The following CMYA5 variants were observed in gnomAD, a reference collection of about 807,000 sequenced individuals.
CMYA5 encodes cardiomyopathy-associated protein 5.
Under a neutral mutation model 318.9 loss-of-function variants are expected in CMYA5, and 246 were observed. The observed-to-expected ratio is 0.77, with a 90% CI of 0.70 to 0.86. The LOEUF (loss-of-function observed/expected upper bound fraction) is 0.86, where lower values mean the gene tolerates loss of function less well. Ranked by LOEUF, CMYA5 falls within the 40% of genes least tolerant of loss-of-function variation. The pLI, the probability that CMYA5 is intolerant of heterozygous loss-of-function variation, is 0.00. For missense variants in CMYA5, 4,589 were observed against 4,678.2 expected (o/e 0.98, Z 0.56); for synonymous variants, 1,641 against 1,729.5 (o/e 0.95, Z 1.27).
Position 79,738,815 on chromosome 5 carries a change from G to A in CMYA5, c.10050G>A (p.Glu3350=), listed in dbSNP as rs776680884. Reference sequence around the variant, plus strand: ...TTGAAGACACCCATCATGTTCTGGAGCGTGCAGATGAAGCAGGCAGTCACG... The same window carrying A: ...TTGAAGACACCCATCATGTTCTGGAACGTGCAGATGAAGCAGGCAGTCACG... ...VPFEDTHHVL[E]RADEAGSHGN... Residue 3350 remains glutamate (E), a synonymous_variant, in exon 2 of 13, where the codon GAG becomes GAA. Transcript: ENST00000446378. 1.2e-6 allele frequency: 2 copies of A among 1,613,756 alleles called. No individual in the cohort carries two copies. Among genetic ancestry groups the A allele is most frequent in the African/African-American group, 1.3e-5 (1 of 74,934 alleles).
chr5:79,769,604 T>C (rs868400421), intron 9 of CMYA5, among the ~76,000 whole-genome samples: 2 of 152,174 alleles, frequency 1.3e-5, no homozygotes, highest in Non-Finnish European at 2.9e-5. Context: ...CTCCAGACCC[T>C]GTTTGCCTGG....
chr5:79,766,745 A>AG (rs1828761566), intron 9 of CMYA5, among the ~76,000 whole-genome samples: 1 of 152,188 alleles, frequency 6.6e-6, no homozygotes, highest in Non-Finnish European at 1.5e-5. Context: ...ATGTTCATCA[A>AG]GGATATTGGC....
chr5:79,717,244 A>T (rs1827536729), intron 1 of CMYA5, among the ~76,000 whole-genome samples: 1 of 152,214 alleles, frequency 6.6e-6, no homozygotes, highest in African/African-American at 2.4e-5. Context: ...ATGAGTACAA[A>T]AGTAAAAGAG....
chr5:79,790,554 C>CCACCT lies in CMYA5; in HGVS notation c.11690-411_11690-407dup, dbSNP rs1259628538. ...AAAGTGCTGGGATTACAGGCGTGAG[C>CCACCT]CACCTCACCCGGCCTGTATCCCCCA... On this transcript the variant is annotated intron_variant, in intron 10 of 12. Coordinates refer to ENST00000446378, the MANE Select transcript of CMYA5 (RefSeq NM_153610.5). 1.1e-4 allele frequency among the ~76,000 whole-genome samples: 16 copies of CCACCT among 152,312 alleles called. No individual in the cohort carries two copies. In the East Asian group the frequency reaches 3.1e-3, roughly 29 times the overall value.
At chr5:79,746,094 A>C (rs116519190) in intron 4 of CMYA5, among the ~76,000 whole-genome samples, 2,214 of 152,284 alleles carry the variant, frequency 0.015, 60 homozygotes, top group African/African-American at 0.051. Flanking sequence ...ATTCCCTAGA[A>C]TATTCAGTGA....
At position 79,734,403 on chromosome 5, in the gene CMYA5, A is replaced by G; in HGVS notation, c.5638A>G (p.Thr1880Ala). Residue 1880 changes from threonine (T) to alanine (A), a missense_variant, in exon 2 of 13, where the codon ACA (threonine) becomes GCA (alanine). By Grantham distance (58) the Thr-to-Ala change is moderately conservative (BLOSUM62 0). Coordinates refer to ENST00000446378, the MANE Select transcript of CMYA5 (RefSeq NM_153610.5). ...MTTKPADVKE[T>A]KMEEFFISPK... ...AACCAAGCCTGCGGATGTCAAAGAA[A>G]CAAAAATGGAAGAATTCTTTATTTC... The G allele has an allele frequency of 1.2e-6, 2 of 1,613,818 alleles. No homozygotes were observed. The highest frequency in any genetic ancestry group is 2.2e-5 in the South Asian group (2 of 91,048).
chr5:79,730,386 T>C lies in CMYA5; in HGVS notation c.1621T>C (p.Leu541=), dbSNP rs759861212. 2.1e-5 allele frequency: 34 copies of C among 1,613,798 alleles called. No individual in the cohort carries two copies. The highest frequency in any genetic ancestry group is 1.3e-4 in the East Asian group (6 of 44,886). The change falls in exon 2 of 13, where the codon TTG becomes CTG. Residue 541 remains leucine (L), a synonymous_variant. Coordinates refer to ENST00000446378, the MANE Select transcript of CMYA5 (RefSeq NM_153610.5). ...AGAACTTGATTACCCAGAAAGCCCA[T>C]TGGTTTCCGAGAAGCCCTTCCCACC... ...IVELDYPESP[L]VSEKPFPPHM... is the part of the protein sequence containing the mutation.
At chr5:79,777,825 T>C (rs1828968512) in intron 9 of CMYA5, among the ~76,000 whole-genome samples, 1 of 151,342 alleles carries the variant, frequency 6.6e-6, no homozygotes, top group Admixed American at 6.6e-5. Flanking sequence ...TTTATTGTTT[T>C]AAGAATATAA....
At chr5:79,706,880 C>G (rs1827284780) in intron 1 of CMYA5, among the ~76,000 whole-genome samples, 1 of 152,176 alleles carries the variant, frequency 6.6e-6, no homozygotes, top group Admixed American at 6.5e-5. Context: ...CTACACTGAA[C>G]ATGAGTTGTT....
intron 2 of CMYA5, among the ~76,000 whole-genome samples, chr5:79,743,134 G>A (rs1310957191): frequency 2.0e-5 from 3 of 152,218 alleles, no homozygotes; most frequent in Non-Finnish European, 4.4e-5. Flanking sequence ...ATCAGTCTGT[G>A]GTAGTGAATC....
At chr5:79,694,711 G>A (rs1288303883) in intron 1 of CMYA5, among the ~76,000 whole-genome samples, 1 of 152,160 alleles carries the variant, frequency 6.6e-6, no homozygotes, top group Admixed American at 6.5e-5. Flanking sequence ...ATTTGTAAAT[G>A]GTTTTCATTA....
At chr5:79,716,193 T>A (rs1473237151) in intron 1 of CMYA5, among the ~76,000 whole-genome samples, 1 of 152,244 alleles carries the variant, frequency 6.6e-6, no homozygotes, top group Non-Finnish European at 1.5e-5. Context: ...AGAATTACTC[T>A]CTTTTCTTTG....
At chr5:79,785,115 A>G (rs960722006) in intron 9 of CMYA5, among the ~76,000 whole-genome samples, 1 of 151,832 alleles carries the variant, frequency 6.6e-6, no homozygotes, top group African/African-American at 2.4e-5. Flanking sequence ...TATACACTCA[A>G]GAGACTATAT....
At position 79,731,922 on chromosome 5, in the gene CMYA5, C is replaced by A; in HGVS notation, c.3157C>A (p.Pro1053Thr). ...EEDIGSTAAT[P>T]VSEQFSSSQK... ...AGACATTGGATCCACAGCTGCTACA[C>A]CTGTATCTGAGCAGTTCAGTTCATC... is the stretch of plus-strand genomic sequence containing the variant. The change falls in exon 2 of 13, where the codon CCT (proline) becomes ACT (threonine). Residue 1053 changes from proline to threonine, a missense_variant. By Grantham distance (38) the Pro-to-Thr change is conservative (BLOSUM62 -1). This residue lies in a region of CMYA5 where 2,132 missense variants were observed against 2,131.3 expected (regional missense o/e 1.00). Coordinates refer to ENST00000446378, the MANE Select transcript of CMYA5 (RefSeq NM_153610.5). The A allele has an allele frequency of 2.5e-6, 4 of 1,613,176 alleles. No individual in the cohort carries two copies. Among genetic ancestry groups the A allele is most frequent in the Non-Finnish European group, 3.4e-6 (4 of 1,179,636 alleles).
chr5:79,786,568 G>T (rs1304530705), intron 9 of CMYA5, among the ~76,000 whole-genome samples: 1 of 152,144 alleles, frequency 6.6e-6, no homozygotes, highest in Admixed American at 6.5e-5. Flanking sequence ...TGCAATGCTT[G>T]TTATAAGTCA....
Position 79,799,872 on chromosome 5 carries a change from A to ACGGCAACCAAC in CMYA5, c.*256_*257insCGGCAACCAAC. 5.8e-6 allele frequency: 1 copy of ACGGCAACCAAC among 171,418 alleles called. No individual in the cohort carries two copies. Among genetic ancestry groups the ACGGCAACCAAC allele is most frequent in the East Asian group, 1.3e-4 (1 of 7,682 alleles). The allele number at this position is 171,418 out of a possible 1,614,324, so 10.6% of individuals were successfully genotyped here. A position where few individuals can be genotyped will look rare whatever the true frequency, so the allele number is the denominator to read the frequency against. ...TAAGTTTGAGTTCTTTCCTAAATTA[A>ACGGCAACCAAC]AAGATCTACACTTGAGTTGGGAACC... On this transcript the variant is annotated 3_prime_UTR_variant, in exon 13 of 13. Transcript: ENST00000446378.
In CMYA5 at chr5:79,748,278, A is replaced by T. The variant is rs192380287; in HGVS notation, c.10991+1165A>T. On this transcript the variant is annotated intron_variant, in intron 5 of 12. Transcript: ENST00000446378. Reference sequence around the variant, plus strand: ...CAGCCAGGGTTGAAAGTTCTGGTTTATACAATCTATCCTTCGTCCCAGTAA... The same window carrying T: ...CAGCCAGGGTTGAAAGTTCTGGTTTTTACAATCTATCCTTCGTCCCAGTAA... Among the ~76,000 whole-genome samples, 95 of 152,248 alleles carry T rather than the reference A, an allele frequency of 6.2e-4. 2 individuals carry two copies. The highest frequency in any genetic ancestry group is 2.9e-5 in the Non-Finnish European group (2 of 68,024).
rs772587014 is a variant in CMYA5 at position 79,733,210 on chromosome 5, A to G, written c.4445A>G (p.His1482Arg). ...GTAATCAAAACATCATCTTCTCAGC[A>G]TTCAGATAAATCTGAGGAAGCAAGG... ...LPVIKTSSSQ[H>R]SDKSEEARVE... is the part of the protein sequence containing the mutation. The change falls in exon 2 of 13, where the codon CAT becomes CGT. Residue 1482 changes from histidine (H) to arginine (R), a missense_variant. Around this residue, in one of 3 missense-constraint regions of CMYA5, gnomAD observed 2,132 missense variants for 2,131.3 expected, o/e 1.00. Coordinates refer to ENST00000446378, the MANE Select transcript of CMYA5 (RefSeq NM_153610.5). The G allele has an allele frequency of 2.5e-6, 4 of 1,613,586 alleles. No homozygotes were observed. The highest frequency in any genetic ancestry group is 1.1e-5 in the South Asian group (1 of 91,048).
chr5:79,760,188 CT>C (rs11304680), intron 7 of CMYA5, among the ~76,000 whole-genome samples: 61,793 of 143,806 alleles, frequency 0.43, 14,042 homozygotes, highest in East Asian at 0.63. Context: ...GCTTGGCCTG[CT>C]TTTTTTTTTT....
Sources: allele counts gnomAD v4.1 joint callset (sites outside exome capture counted in the v4.1 genomes callset), GRCh38; gene constraint gnomAD v4.1.1; regional missense constraint gnomAD v4.1.1; transcripts MANE v1.5; gene names NCBI Gene and HGNC (gene_info 2026-07-23, HGNC 2026-07-21).